Variants in CFAP54 observed in about 807,000 individuals in gnomAD.
CFAP54 encodes cilia and flagella associated protein 54, also known as cilia- and flagella-associated protein 54.
In CFAP54, 290 loss-of-function variants were observed where a neutral mutation model predicts 370.4. That is an observed-to-expected ratio of 0.78 (90% confidence interval 0.71 to 0.86). The LOEUF (loss-of-function observed/expected upper bound fraction) is 0.86, where lower values mean the gene tolerates loss of function less well. Ranked by LOEUF, CFAP54 falls within the 40% of genes least tolerant of loss-of-function variation. The probability of loss-of-function intolerance (pLI) is 0.00; values close to 1 mark genes in which losing one functional copy is unlikely to be tolerated. For missense variants in CFAP54, 3,399 were observed against 3,528.7 expected, an observed-to-expected ratio of 0.96 and a Z score of 0.93; for synonymous variants, 1,206 against 1,236.5, an observed-to-expected ratio of 0.98 and a Z score of 0.52.
Position 96,829,095 on chromosome 12 carries a change from AT to A in CFAP54, c.9171+10del. The A allele has an allele frequency of 6.9e-7, 1 of 1,459,450 alleles. No individual in the cohort carries two copies. The highest frequency in any genetic ancestry group is 9.2e-7 in the Non-Finnish European group (1 of 1,082,816). 90.4% of individuals were successfully genotyped at this position (1,459,450 alleles called of 1,614,324 possible). On this transcript the variant is annotated splice_region_variant and intron_variant, in intron 66 of 67. Coordinates refer to ENST00000524981, the MANE Select transcript of CFAP54 (RefSeq NM_001306084.2). ...GCCAACACCACTATCTGAGGTATGTATTTCTCCTTTAAAATTGTATCTAATT... is the reference window on the plus strand; with the variant it reads ...GCCAACACCACTATCTGAGGTATGTATTCTCCTTTAAAATTGTATCTAATT...
intron 27 of CFAP54, 130 bp from the exon 28 acceptor site, chr12:96,623,636 AT>A (rs1434583385): frequency 1.7e-6 from 1 of 586,690 alleles, no homozygotes; most frequent in East Asian, 2.8e-5. Context: ...GTTAATTAAT[AT>A]TGTTATGTAG....
Position 96,756,446 on chromosome 12 carries a change from T to C in CFAP54, c.7841-12T>C. 1 of 1,516,802 alleles carries C rather than the reference T, an allele frequency of 6.6e-7. No individual in the cohort carries two copies. Among genetic ancestry groups the C allele is most frequent in the Non-Finnish European group, 9.0e-7 (1 of 1,114,294 alleles). 94.0% of individuals were successfully genotyped at this position (1,516,802 alleles called of 1,614,324 possible). A position where few individuals can be genotyped will look rare whatever the true frequency, so the allele number is the denominator to read the frequency against. On this transcript the variant is annotated splice_polypyrimidine_tract_variant and intron_variant, in intron 56 of 67. Coordinates refer to ENST00000524981, the MANE Select transcript of CFAP54 (RefSeq NM_001306084.2). ...AAGGAAAAACCATCTTTGTATCTTT[T>C]TCTTCTTTCAGGCAAAATAGAACGT...
intron 1 of CFAP54, among the ~76,000 whole-genome samples, chr12:96,494,968 G>A (rs1190221725): frequency 1.3e-5 from 2 of 151,826 alleles, no homozygotes; most frequent in South Asian, 2.1e-4. Flanking sequence ...CTCGTGATCC[G>A]ACCGCTTTGG....
chr12:96,777,933 T>C (rs1592558), intron 60 of CFAP54, among the ~76,000 whole-genome samples: 2,324 of 152,264 alleles, frequency 0.015, 76 homozygotes, highest in African/African-American at 0.054. Context: ...GTTAGACAAA[T>C]ATAAGCAAAA....
At chr12:96,608,871 T>A (rs1956327667) in intron 26 of CFAP54, among the ~76,000 whole-genome samples, 1 of 152,074 alleles carries the variant, frequency 6.6e-6, no homozygotes, top group Non-Finnish European at 1.5e-5. Context: ...AATGGCTAAT[T>A]TTCAGCAAAA....
rs573734056 is a variant in CFAP54 at position 96,696,485 on chromosome 12, C to CT, written c.6351+2686dup. The stretch of plus-strand genomic sequence containing the variant: ...AATCTGGAACAAAATGGCTAGATGA[C>CT]TTTTTTTTTAATCATATTGTTAGCA... On this transcript the variant is annotated intron_variant, in intron 45 of 67. Coordinates refer to ENST00000524981, the MANE Select transcript of CFAP54 (RefSeq NM_001306084.2). Among the ~76,000 whole-genome samples, 9 of 151,276 alleles carry CT rather than the reference C, an allele frequency of 5.9e-5. No individual in the cohort carries two copies. In the South Asian group the frequency reaches 1.0e-3, roughly 18 times the overall value.
At chr12:96,658,399 A>G (rs1355215387) in intron 38 of CFAP54, 53 bp downstream of exon 38, 1 of 1,574,874 alleles carries the variant, frequency 6.3e-7, no homozygotes, top group African/African-American at 1.4e-5. Context: ...TAATTAGTCC[A>G]CATATAAAAT....
chr12:96,643,347 A>G (rs1956754690), intron 32 of CFAP54, among the ~76,000 whole-genome samples: 1 of 151,684 alleles, frequency 6.6e-6, no homozygotes, highest in Non-Finnish European at 1.5e-5. Context: ...CTGTTTCAAC[A>G]TCTGCCTGCC....
At chr12:96,679,787 T>G in intron 40 of CFAP54, 35 bp downstream of exon 40, 1 of 1,601,684 alleles carries the variant, frequency 6.2e-7, no homozygotes, top group Non-Finnish European at 8.5e-7. Context: ...GAATCTTTCT[T>G]TATGTGGGGT....
intron 60 of CFAP54, among the ~76,000 whole-genome samples, chr12:96,779,195 C>A (rs1452090928): frequency 2.0e-5 from 3 of 151,878 alleles, no homozygotes; most frequent in Non-Finnish European, 4.4e-5. Flanking sequence ...ACCACTAGGT[C>A]AAGAAATAGA....
At chr12:96,651,500 A>G (rs1335345244) in intron 35 of CFAP54, 88 bp from the exon 36 acceptor site, 2 of 1,024,412 alleles carry the variant, frequency 2.0e-6, no homozygotes, top group East Asian at 2.4e-5. Context: ...TTTACTATTG[A>G]CACATAATAT....
chr12:96,864,256 A>G (rs1282085642), intron 67 of CFAP54, among the ~76,000 whole-genome samples: 4 of 152,092 alleles, frequency 2.6e-5, no homozygotes, highest in African/African-American at 9.7e-5. Flanking sequence ...AAAGGGGGAG[A>G]AGAAGGGGAA....
chr12:96,755,169 C>G (rs759149013), intron 56 of CFAP54, among the ~76,000 whole-genome samples: 10 of 152,012 alleles, frequency 6.6e-5, no homozygotes, highest in Non-Finnish European at 1.2e-4. Flanking sequence ...ATTTTTTCTC[C>G]TTAGGTTTGT....
chr12:96,700,014 A>T lies in CFAP54; in HGVS notation c.6395A>T (p.Tyr2132Phe). Residue 2132 changes from tyrosine to phenylalanine, a missense_variant, in exon 46 of 68, where the codon TAT becomes TTT. Tyr to Phe is a conservative substitution (Grantham distance 22). This residue lies in a region of CFAP54 where 2,796 missense variants were observed against 2,869.7 expected (regional missense o/e 0.97). Coordinates refer to ENST00000524981, the MANE Select transcript of CFAP54 (RefSeq NM_001306084.2). Reference sequence around the variant, plus strand: ...TTGAGATTCTTTTCTGAAGCCTTTTATGAGATATCCCAAATTTTCTATGGA... The same window carrying T: ...TTGAGATTCTTTTCTGAAGCCTTTTTTGAGATATCCCAAATTTTCTATGGA... ...IDLRFFSEAF[Y>F]EISQIFYGKN... 1 of 1,600,538 alleles carries T rather than the reference A, an allele frequency of 6.2e-7. No individual in the cohort carries two copies. Among genetic ancestry groups the T allele is most frequent in the South Asian group, 1.1e-5 (1 of 89,998 alleles).
chr12:96,862,731 C>T (rs1183622828), intron 67 of CFAP54, among the ~76,000 whole-genome samples: 1 of 152,144 alleles, frequency 6.6e-6, no homozygotes, highest in African/African-American at 2.4e-5. Context: ...AAGTTTGATT[C>T]AAACAGAAAA....
chr12:96,819,036 C>T lies in CFAP54; in HGVS notation c.9096+1123C>T, dbSNP rs115783101. On this transcript the variant is annotated intron_variant, in intron 65 of 67. Transcript: ENST00000524981. ...AAAGATAGATGTACATGGCTTAAAACGAAAAAAGGCAATCTGCTGCCCAAC... is the reference window on the plus strand; with the variant it reads ...AAAGATAGATGTACATGGCTTAAAATGAAAAAAGGCAATCTGCTGCCCAAC... Among the ~76,000 whole-genome samples the T allele has an allele frequency of 6.4e-3, 976 of 152,270 alleles. 19 individuals carry two copies. The highest frequency in any genetic ancestry group is 0.022 in the African/African-American group (908 of 41,556).
At chr12:96,702,972 G>A (rs1592716153) in intron 46 of CFAP54, among the ~76,000 whole-genome samples, 1 of 151,814 alleles carries the variant, frequency 6.6e-6, no homozygotes, top group East Asian at 1.9e-4. Context: ...CAAATCTAAA[G>A]TCCCATTATT....
chr12:96,554,312 T>G lies in CFAP54; in HGVS notation c.2283+2T>G, dbSNP rs751173316. 2 of 1,510,208 alleles carry G rather than the reference T, an allele frequency of 1.3e-6. No individual in the cohort carries two copies. Among genetic ancestry groups the G allele is most frequent in the South Asian group, 2.6e-5 (2 of 78,054 alleles). The allele number at this position is 1,510,208 out of a possible 1,614,324, so 93.6% of individuals were successfully genotyped here. A position where few individuals can be genotyped will look rare whatever the true frequency, so the allele number is the denominator to read the frequency against. ...GTAATTGACCACTGCTATGCCAAGG[T>G]AAGAATGGAAGAGTCTTAAATTAGA... is the stretch of plus-strand genomic sequence containing the variant. On this transcript the variant is annotated splice_donor_variant, in intron 16 of 67. Transcript: ENST00000524981. LOFTEE classifies it high-confidence loss of function.
chr12:96,704,428 A>T (rs1957523858), intron 46 of CFAP54, among the ~76,000 whole-genome samples: 1 of 125,370 alleles, frequency 8.0e-6, no homozygotes, highest in African/African-American at 3.0e-5. Context: ...CTCGGTCTAA[A>T]AAAAAAAAAA....
Sources: allele counts gnomAD v4.1 joint callset (sites outside exome capture counted in the v4.1 genomes callset), GRCh38; gene constraint gnomAD v4.1.1; regional missense constraint gnomAD v4.1.1; transcripts MANE v1.5; gene names NCBI Gene and HGNC (gene_info 2026-07-23, HGNC 2026-07-21).